The following CCDC148 variants were observed in gnomAD, a reference collection of about 807,000 sequenced individuals.
CCDC148 encodes coiled-coil domain containing 148.
CCDC148 carries 89 observed loss-of-function variants against 85.7 expected under a neutral mutation model. That is an observed-to-expected ratio of 1.04 (90% CI 0.87 to 1.24). The LOEUF (loss-of-function observed/expected upper bound fraction) is 1.24, where lower values mean the gene tolerates loss of function less well. Ranked by LOEUF, CCDC148 falls within the 50% of genes most tolerant of loss-of-function variation. CCDC148 has a pLI of 0.00. For missense variants in CCDC148, 692 were observed against 671.7 expected, an observed-to-expected ratio of 1.03 and a Z score of -0.33; for synonymous variants, 230 against 213.9, an observed-to-expected ratio of 1.08 and a Z score of -0.66.
Position 158,358,661 on chromosome 2 carries a change from T to C in CCDC148, c.26-91A>G, listed in dbSNP as rs987037406. 4 of 754,026 alleles carry C rather than the reference T, an allele frequency of 5.3e-6. No individual in the cohort carries two copies. In the African/African-American group the frequency reaches 5.6e-5, roughly 10 times the overall value. 46.7% of individuals were successfully genotyped at this position (754,026 alleles called of 1,614,324 possible). On this transcript the variant is annotated intron_variant, in intron 1 of 13. Coordinates refer to ENST00000283233, the MANE Select transcript of CCDC148 (RefSeq NM_138803.4). ...ATTAGGGCAACATGTTGACTTCAGA[T>C]CTTATTTTTAAATATTTTTAAGCAA...
At chr2:158,190,631 C>T (rs992180361) in intron 11 of CCDC148, among the ~76,000 whole-genome samples, 2 of 151,978 alleles carry the variant, frequency 1.3e-5, no homozygotes, top group African/African-American at 2.4e-5. Context: ...TATAGTTTAA[C>T]TCCACAATTA....
At chr2:158,333,549 T>G (rs1379810653) in intron 7 of CCDC148, among the ~76,000 whole-genome samples, 2 of 152,172 alleles carry the variant, frequency 1.3e-5, no homozygotes, top group Non-Finnish European at 2.9e-5. Context: ...GGTCCTGAGC[T>G]GTGTTCATTT....
chr2:158,324,015 C>T (rs1400120311), intron 7 of CCDC148, among the ~76,000 whole-genome samples: 1 of 145,130 alleles, frequency 6.9e-6, no homozygotes, highest in Non-Finnish European at 1.5e-5. Flanking sequence ...CTCCCAGGCT[C>T]AAGCGATTCT....
chr2:158,180,108 T>C (rs1684819194), intron 11 of CCDC148, among the ~76,000 whole-genome samples: 1 of 152,160 alleles, frequency 6.6e-6, no homozygotes, highest in Non-Finnish European at 1.5e-5. Context: ...CACCTCTGCC[T>C]TTCATCATTG....
intron 1 of CCDC148, among the ~76,000 whole-genome samples, chr2:158,389,345 A>G (rs1685212862): frequency 6.6e-6 from 1 of 152,226 alleles, no homozygotes; most frequent in Non-Finnish European, 1.5e-5. Context: ...AATAAACAAA[A>G]CACAAAACAA....
chr2:158,366,844 A>T (rs781206185), intron 1 of CCDC148, among the ~76,000 whole-genome samples: 1 of 152,152 alleles, frequency 6.6e-6, no homozygotes, highest in Non-Finnish European at 1.5e-5. Context: ...TCTTTAAATA[A>T]CAGTACTCAC....
At chr2:158,406,603 GATTAA>G (rs1196537434) in intron 1 of CCDC148, among the ~76,000 whole-genome samples, 1 of 64,274 alleles carries the variant, frequency 1.6e-5, no homozygotes, top group African/African-American at 4.1e-5. Flanking sequence ...CAGTTAAACA[GATTAA>G]ATTTCTTTTT....
rs116357055 is a variant in CCDC148 at position 158,257,037 on chromosome 2, T to G, written c.1111-6125A>C. ...GACTGCATGGATAATGCTCTGAAGT[T>G]AGATTGACAGTATTTTCTCTTCTGC... On this transcript the variant is annotated intron_variant, in intron 9 of 13. Coordinates refer to ENST00000283233, the MANE Select transcript of CCDC148 (RefSeq NM_138803.4). Among the ~76,000 whole-genome samples, 1,366 of 151,784 alleles carry G rather than the reference T, an allele frequency of 9.0e-3. 13 individuals carry two copies. Among genetic ancestry groups the G allele is most frequent in the African/African-American group, 0.031 (1,298 of 41,468 alleles).
At chr2:158,187,091 C>T (rs77383301) in intron 11 of CCDC148, among the ~76,000 whole-genome samples, 2,053 of 152,140 alleles carry the variant, frequency 0.013, 45 homozygotes, top group African/African-American at 0.047. Flanking sequence ...ATTTCTACAT[C>T]ATGGCTAACT....
intron 9 of CCDC148, among the ~76,000 whole-genome samples, chr2:158,284,420 C>T (rs114460668): frequency 0.05 from 7,550 of 152,054 alleles, 398 homozygotes; most frequent in African/African-American, 0.13. Context: ...TGGTGAGGAA[C>T]GAATGTGACA....
chr2:158,207,514 T>G (rs1686312194), intron 11 of CCDC148: 1 of 152,224 alleles, frequency 6.6e-6, no homozygotes, highest in Non-Finnish European at 1.5e-5. Flanking sequence ...TTACTTCTAA[T>G]GCTTCCATCG....
At chr2:158,365,141 A>G (rs1194473733) in intron 1 of CCDC148, among the ~76,000 whole-genome samples, 1 of 152,206 alleles carries the variant, frequency 6.6e-6, no homozygotes, top group Non-Finnish European at 1.5e-5. Flanking sequence ...ACAATCATTA[A>G]AAAGTCAGGA....
At chr2:158,217,362 T>C (rs141241222) in intron 11 of CCDC148, among the ~76,000 whole-genome samples, 1 of 99,052 alleles carries the variant, frequency 1.0e-5, no homozygotes, top group Non-Finnish European at 2.1e-5. Flanking sequence ...ATATAAAATT[T>C]TGTGTGTGTG....
At position 158,422,684 on chromosome 2, in the gene CCDC148, T is replaced by C. The variant is rs376782254; in HGVS notation, c.25+33731A>G. On this transcript the variant is annotated intron_variant, in intron 1 of 13. Coordinates refer to ENST00000283233, the MANE Select transcript of CCDC148 (RefSeq NM_138803.4). The stretch of plus-strand genomic sequence containing the variant: ...TTTGAAAACTGGCACAAGGCAGGGA[T>C]GCCCTCTCTCACCACTCCTCTTCAA... Among the ~76,000 whole-genome samples, 61 of 152,308 alleles carry C rather than the reference T, an allele frequency of 4.0e-4. No individual in the cohort carries two copies. The East Asian group carries it at 8.9e-3, about 22-fold the overall frequency.
At chr2:158,440,686 GTC>G (rs1219789153) in intron 1 of CCDC148, among the ~76,000 whole-genome samples, 4 of 152,126 alleles carry the variant, frequency 2.6e-5, no homozygotes. Flanking sequence ...TGTAAATGTG[GTC>G]TCTCTTTCAA....
intron 1 of CCDC148, among the ~76,000 whole-genome samples, chr2:158,393,716 A>G (rs919254121): frequency 6.6e-6 from 1 of 152,176 alleles, no homozygotes; most frequent in African/African-American, 2.4e-5. Context: ...TGAGCTGACA[A>G]GAGAGCAGAT....
chr2:158,254,944 C>A, intron 9 of CCDC148, among the ~76,000 whole-genome samples: 1 of 150,072 alleles, frequency 6.7e-6, no homozygotes, highest in African/African-American at 2.4e-5. Context: ...TTAATTTACC[C>A]TTCCCTGTCT....
chr2:158,435,739 G>A (rs1355796304), intron 1 of CCDC148, among the ~76,000 whole-genome samples: 4 of 152,092 alleles, frequency 2.6e-5, no homozygotes, highest in East Asian at 1.9e-4. Context: ...CCCATCTCAC[G>A]TGCACAGACA....
chr2:158,288,006 G>A (rs780331754), intron 9 of CCDC148, among the ~76,000 whole-genome samples: 7 of 152,290 alleles, frequency 4.6e-5, no homozygotes, highest in Admixed American at 6.5e-5. Context: ...CTGTGCACCC[G>A]CAGGCTTAAA....
Sources: gnomAD v4.1 joint callset for allele counts (sites outside exome capture counted in the v4.1 genomes callset) on GRCh38, gnomAD v4.1.1 for gene constraint, MANE v1.5 for transcripts, NCBI Gene and HGNC (gene_info 2026-07-23, HGNC 2026-07-21) for gene names.